Variants in ADAMTS19 observed in about 807,000 individuals in gnomAD.
ADAMTS19 encodes A disintegrin and metalloproteinase with thrombospondin motifs 19.
ADAMTS19 carries 93 observed loss-of-function variants against 153.3 expected under a neutral mutation model. The ratio of observed to expected loss-of-function variants is 0.61; its 90% CI spans 0.51 to 0.72. The LOEUF (loss-of-function observed/expected upper bound fraction) is 0.72. ADAMTS19 is among the 30% of genes least tolerant of loss of function. The pLI is 0.00. For synonymous variants in ADAMTS19, 600 were observed against 556.6 expected (o/e 1.08, Z -1.10); for missense variants, 1,482 against 1,552.1 (o/e 0.95, Z 0.76).
At chr5:129,606,982 A>G (rs1259597531) in intron 8 of ADAMTS19, among the ~76,000 whole-genome samples, 2 of 152,116 alleles carry the variant, frequency 1.3e-5, no homozygotes, top group African/African-American at 4.8e-5. Flanking sequence ...CAGTGGCACC[A>G]TGTCAGCTCA....
chr5:129,509,046 CT>C (rs1751350303), intron 2 of ADAMTS19, 30 bp from the exon 3 acceptor site: 3 of 1,483,390 alleles, frequency 2.0e-6, no homozygotes, highest in Admixed American at 4.3e-5. Flanking sequence ...AATGATATTT[CT>C]TACATATCTT....
Position 129,701,486 on chromosome 5 carries a change from T to C in ADAMTS19, c.3053T>C (p.Leu1018Pro), listed in dbSNP as rs148846251. The C allele has an allele frequency of 6.2e-7, 1 of 1,614,080 alleles. No homozygotes were observed. The highest frequency in any genetic ancestry group is 8.5e-7 in the Non-Finnish European group (1 of 1,180,042). Reference sequence around the variant, plus strand: ...ACCCAACAACTGAGCAATGGAACACTGATTAGAGCCCGAGAGAGGGACTGC... The same window carrying C: ...ACCCAACAACTGAGCAATGGAACACCGATTAGAGCCCGAGAGAGGGACTGC... ...ACTQQLSNGT[L>P]IRARERDCIG... Residue 1018 changes from leucine to proline, a missense_variant, in exon 20 of 23, where the codon CTG becomes CCG. Around this residue, in one of 2 missense-constraint regions of ADAMTS19, gnomAD observed 616 missense variants for 724.4 expected, o/e 0.85. Transcript: ENST00000274487.
At chr5:129,730,827 A>T (rs1230430373) in intron 21 of ADAMTS19, among the ~76,000 whole-genome samples, 1 of 152,184 alleles carries the variant, frequency 6.6e-6, no homozygotes, top group Non-Finnish European at 1.5e-5. Flanking sequence ...CAACATATGA[A>T]TATATGGTTT....
At chr5:129,504,031 AG>A (rs1751191084) in intron 2 of ADAMTS19, among the ~76,000 whole-genome samples, 1 of 152,196 alleles carries the variant, frequency 6.6e-6, no homozygotes, top group African/African-American at 2.4e-5. Flanking sequence ...TTATATCCTA[AG>A]ATATTCAATA....
rs1753134575 is a variant in ADAMTS19, at chr5:129,647,807, G to A, written c.1915G>A (p.Glu639Lys). Residue 639 changes from glutamate to lysine, a missense_variant, in exon 12 of 23, where the codon GAA (glutamate) becomes AAA (lysine). By Grantham distance (56) the Glu-to-Lys change is moderately conservative. Transcript: ENST00000274487. Reference sequence around the variant, plus strand: ...ATGTACCAGCAGGACCTCAGCACCTGAACATCTGGCCGGAGAGTGGAGCCT... The same window carrying A: ...ATGTACCAGCAGGACCTCAGCACCTAAACATCTGGCCGGAGAGTGGAGCCT... Reference protein sequence around the residue: ...GECTSRTSAPEHLAGEWSLWS... With the variant: ...GECTSRTSAPKHLAGEWSLWS... 1.9e-6 allele frequency: 3 copies of A among 1,614,002 alleles called. No individual in the cohort carries two copies. Among genetic ancestry groups the A allele is most frequent in the African/African-American group, 2.7e-5 (2 of 74,914 alleles).
At chr5:129,581,300 G>C (rs1043211039) in intron 7 of ADAMTS19, among the ~76,000 whole-genome samples, 13 of 151,302 alleles carry the variant, frequency 8.6e-5, no homozygotes, top group African/African-American at 3.2e-4. Context: ...CTGTATTCAG[G>C]GATTTGACTT....
chr5:129,730,250 G>A (rs1011929877), intron 21 of ADAMTS19, among the ~76,000 whole-genome samples: 2 of 152,036 alleles, frequency 1.3e-5, no homozygotes, highest in African/African-American at 4.8e-5. Flanking sequence ...CACTGAACTG[G>A]AAATATTCAA....
chr5:129,734,658 C>A (rs1197707636), intron 21 of ADAMTS19, among the ~76,000 whole-genome samples: 1 of 151,990 alleles, frequency 6.6e-6, no homozygotes, highest in Non-Finnish European at 1.5e-5. Flanking sequence ...TCTTTCTCTT[C>A]AAGTCATACT....
At chr5:129,497,347 T>C (rs573589605) in intron 2 of ADAMTS19, among the ~76,000 whole-genome samples, 1 of 152,204 alleles carries the variant, frequency 6.6e-6, no homozygotes, top group South Asian at 2.1e-4. Flanking sequence ...TTAGGCCCTG[T>C]TCTGTTCTTT....
intron 18 of ADAMTS19, among the ~76,000 whole-genome samples, chr5:129,694,131 G>T (rs1755454383): frequency 6.6e-6 from 1 of 152,126 alleles, no homozygotes; most frequent in Non-Finnish European, 1.5e-5. Context: ...TCTTCAGTTT[G>T]TATCTTGCTA....
chr5:129,562,429 G>A (rs960071676), intron 7 of ADAMTS19, among the ~76,000 whole-genome samples: 4 of 152,062 alleles, frequency 2.6e-5, no homozygotes, highest in Non-Finnish European at 5.9e-5. Flanking sequence ...TCTTGACTAG[G>A]CAATTTTACC....
At chr5:129,616,172 T>C (rs1011176536) in intron 8 of ADAMTS19, among the ~76,000 whole-genome samples, 3 of 152,008 alleles carry the variant, frequency 2.0e-5, no homozygotes, top group African/African-American at 7.2e-5. Flanking sequence ...ATATATTGTA[T>C]ATCTGAATGT....
At chr5:129,693,820 T>C (rs902865857) in intron 18 of ADAMTS19, among the ~76,000 whole-genome samples, 8 of 152,310 alleles carry the variant, frequency 5.3e-5, no homozygotes, top group African/African-American at 1.9e-4. Context: ...TTTTCTGAAA[T>C]CTGGTAAAAG....
Position 129,721,795 on chromosome 5 carries a change from C to A in ADAMTS19, c.3313-13137C>A, listed in dbSNP as rs562223447. ...AGGCCCCAGTCTGTGTTGTCGCCCT[C>A]CCTGTGTCCATGTATTCTCATTGTT... On this transcript the variant is annotated intron_variant, in intron 21 of 22. Coordinates refer to ENST00000274487, the MANE Select transcript of ADAMTS19 (RefSeq NM_133638.6). Among the ~76,000 whole-genome samples, 4 of 152,198 alleles carry A rather than the reference C, an allele frequency of 2.6e-5. No homozygotes were observed. In the South Asian group the frequency reaches 6.2e-4, roughly 24 times the overall value.
intron 2 of ADAMTS19, among the ~76,000 whole-genome samples, chr5:129,462,614 T>TGG (rs1288168786): frequency 1.3e-4 from 20 of 148,530 alleles, no homozygotes; most frequent in South Asian, 4.3e-4. Flanking sequence ...TGTGTGTGTG[T>TGG]GTGGGGGGGT....
intron 2 of ADAMTS19, among the ~76,000 whole-genome samples, chr5:129,481,768 A>G (rs979240527): frequency 6.6e-6 from 1 of 152,126 alleles, no homozygotes; most frequent in Non-Finnish European, 1.5e-5. Flanking sequence ...ACCCTCCCCA[A>G]AGGTGACTTC....
chr5:129,723,263 T>C (rs566150304), intron 21 of ADAMTS19, among the ~76,000 whole-genome samples: 16 of 152,286 alleles, frequency 1.1e-4, no homozygotes, highest in African/African-American at 3.9e-4. Flanking sequence ...TTCCCCCAGG[T>C]ATTTCCCTTT....
chr5:129,648,007 T>C lies in ADAMTS19; in HGVS notation c.2003+112T>C, dbSNP rs954404953. 11 of 1,219,228 alleles carry C rather than the reference T, an allele frequency of 9.0e-6. No individual in the cohort carries two copies. In the African/African-American group the frequency reaches 1.5e-4, roughly 17 times the overall value. The allele number at this position is 1,219,228 out of a possible 1,614,324, so 75.5% of individuals were successfully genotyped here. On this transcript the variant is annotated intron_variant, in intron 12 of 22. Transcript: ENST00000274487. ...AGAAGCTCCTCAAACTCTACTCACGTTGGAAAACAGAAAAGTCCTTCAAAT... is the reference window on the plus strand; with the variant it reads ...AGAAGCTCCTCAAACTCTACTCACGCTGGAAAACAGAAAAGTCCTTCAAAT...
intron 16 of ADAMTS19, among the ~76,000 whole-genome samples, chr5:129,669,177 G>A (rs183157809): frequency 7.9e-5 from 12 of 151,942 alleles, no homozygotes; most frequent in Non-Finnish European, 1.6e-4. Context: ...GTGGTGCTGG[G>A]AAATCTAGAT....
Sources: gnomAD v4.1 joint callset for allele counts (sites outside exome capture counted in the v4.1 genomes callset) on GRCh38, gnomAD v4.1.1 for gene constraint, gnomAD v4.1.1 regional missense constraint, MANE v1.5 for transcripts, NCBI Gene and HGNC (gene_info 2026-07-23, HGNC 2026-07-21) for gene names.